PTPN3: variants seen among roughly 807,000 people sequenced by gnomAD.
The protein encoded by PTPN3 is tyrosine-protein phosphatase non-receptor type 3.
In PTPN3, 96 loss-of-function variants were observed where a neutral mutation model predicts 132.7. That is an observed-to-expected ratio of 0.72 (90% CI 0.61 to 0.86). The LOEUF is 0.86. Ranked by LOEUF, PTPN3 falls within the 40% of genes least tolerant of loss-of-function variation. PTPN3 has a pLI of 0.00. For missense variants in PTPN3, 1,125 were observed against 1,159.6 expected (o/e 0.97, Z 0.43); for synonymous variants, 398 against 429.0 (o/e 0.93, Z 0.89).
chr9:109,427,182 C>A, intron 11 of PTPN3, 60 bp from the exon 12 acceptor site: 2 of 1,551,962 alleles, frequency 1.3e-6, no homozygotes, highest in Non-Finnish European at 1.8e-6. Flanking sequence ...GACTTGTAAG[C>A]ATTTAACCCA....
At chr9:109,439,391 C>G (rs1844291650) in intron 7 of PTPN3, among the ~76,000 whole-genome samples, 1 of 152,158 alleles carries the variant, frequency 6.6e-6, no homozygotes, top group African/African-American at 2.4e-5. Context: ...AAAAATTAGT[C>G]CTGATCTTTC....
At chr9:109,477,836 C>A (rs1197685391) in intron 1 of PTPN3, among the ~76,000 whole-genome samples, 2 of 152,256 alleles carry the variant, frequency 1.3e-5, no homozygotes, top group Non-Finnish European at 2.9e-5. Context: ...GATCTCGGAA[C>A]TGCCAGGACT....
intron 11 of PTPN3, among the ~76,000 whole-genome samples, chr9:109,427,406 T>C (rs1843357622): frequency 6.6e-6 from 1 of 152,218 alleles, no homozygotes; most frequent in East Asian, 1.9e-4. Flanking sequence ...CTAGGCTGGA[T>C]ACATTTGGAG....
the PTPN3 span, among the ~76,000 whole-genome samples, chr9:109,523,411 G>A: frequency 1.3e-5 from 2 of 152,184 alleles, no homozygotes; most frequent in African/African-American, 4.8e-5. Flanking sequence ...ACTGTGCCCA[G>A]CCTATATCAT....
intron 6 of PTPN3, among the ~76,000 whole-genome samples, chr9:109,446,984 A>G (rs752423222): frequency 5.3e-5 from 8 of 152,162 alleles, no homozygotes; most frequent in African/African-American, 1.7e-4. Flanking sequence ...AGTGCTCCAT[A>G]TGTTCCACTG....
chr9:109,416,144 TAAGG>T (rs898861716), intron 14 of PTPN3, among the ~76,000 whole-genome samples: 2 of 152,124 alleles, frequency 1.3e-5, no homozygotes, highest in African/African-American at 4.8e-5. Flanking sequence ...TTGTCTATCT[TAAGG>T]AACAGTAACC....
the PTPN3 span, among the ~76,000 whole-genome samples, chr9:109,529,172 C>G: frequency 6.6e-6 from 1 of 152,326 alleles, no homozygotes; most frequent in African/African-American, 2.4e-5. Context: ...AGAGATGCTG[C>G]TCTCTGTCTC....
At chr9:109,423,154 C>T (rs1354706040) in intron 12 of PTPN3, among the ~76,000 whole-genome samples, 6 of 152,210 alleles carry the variant, frequency 3.9e-5, no homozygotes, top group African/African-American at 7.2e-5. Context: ...CACAGAAATA[C>T]AGCTCCAGTG....
chr9:109,534,217 C>T, the PTPN3 span: 1 of 1,350,948 alleles, frequency 7.4e-7, no homozygotes, highest in Admixed American at 1.7e-5. Context: ...GCCTCCCGGG[C>T]CACCGTTTCC....
At chr9:109,441,208 T>C (rs1056474525) in intron 7 of PTPN3, among the ~76,000 whole-genome samples, 14 of 152,190 alleles carry the variant, frequency 9.2e-5, no homozygotes. Flanking sequence ...AAGCTAATTA[T>C]AGCAAACAAA....
chr9:109,382,663 A>G (rs887089664), intron 23 of PTPN3, among the ~76,000 whole-genome samples: 6 of 150,882 alleles, frequency 4.0e-5, no homozygotes, highest in Middle Eastern at 3.2e-3. Context: ...GCCTTCCTTG[A>G]TCACTTCTGC....
rs574617056 is a variant in PTPN3 at position 109,448,964 on chromosome 9, C to T, written c.369-109G>A. 9.3e-6 allele frequency: 14 copies of T among 1,499,574 alleles called. No individual in the cohort carries two copies. The East Asian group carries it at 2.8e-4, about 30-fold the overall frequency. The allele number at this position is 1,499,574 out of a possible 1,614,324, so 92.9% of individuals were successfully genotyped here. A position where few individuals can be genotyped will look rare whatever the true frequency, so the allele number is the denominator to read the frequency against. ...ACAAGAGCTGTACATGTGAAAGATA[C>T]ATAAAAATACGGTTTTGGTCCAAGG... On this transcript the variant is annotated intron_variant, in intron 5 of 25. Transcript: ENST00000374541.
At chr9:109,489,499 A>G (rs182169439) in intron 1 of PTPN3, among the ~76,000 whole-genome samples, 122 of 152,202 alleles carry the variant, frequency 8.0e-4, no homozygotes, top group African/African-American at 2.8e-3. Context: ...ACGTGACCAC[A>G]CGTCCGGATT....
At chr9:109,536,949 A>T in the PTPN3 span, among the ~76,000 whole-genome samples, 1 of 151,962 alleles carries the variant, frequency 6.6e-6, no homozygotes, top group Non-Finnish European at 1.5e-5. Context: ...CCACCCCCCA[A>T]TATGAAGTCG....
chr9:109,522,651 T>G, the PTPN3 span, among the ~76,000 whole-genome samples: 5 of 152,280 alleles, frequency 3.3e-5, no homozygotes, highest in East Asian at 5.8e-4. Context: ...CACTACAACA[T>G]GTAATAACAA....
chr9:109,483,051 G>T (rs1206486618), intron 1 of PTPN3, among the ~76,000 whole-genome samples: 1 of 152,194 alleles, frequency 6.6e-6, no homozygotes, highest in Non-Finnish European at 1.5e-5. Flanking sequence ...ATAAATCTGG[G>T]CACCTGTCCT....
At chr9:109,460,151 A>C (rs947501714) in intron 2 of PTPN3, among the ~76,000 whole-genome samples, 4 of 152,114 alleles carry the variant, frequency 2.6e-5, no homozygotes, top group Non-Finnish European at 5.9e-5. Flanking sequence ...AGTCTTCCCC[A>C]TCTCAATAAA....
At chr9:109,534,331 A>G in the PTPN3 span, 15 of 1,517,914 alleles carry the variant, frequency 9.9e-6, no homozygotes, top group Middle Eastern at 2.3e-4. Flanking sequence ...CTCGCTGCTC[A>G]AGGTTGTGGT....
At position 109,408,794 on chromosome 9, in the gene PTPN3, A is replaced by ATATATAT. The variant is rs373957307; in HGVS notation, c.1579-418_1579-417insATATATA. ...ACTTATAATAATTAAAAAAAAAAAA[A>ATATATAT]AAATATATATATATATATATATATG... On this transcript the variant is annotated intron_variant, in intron 16 of 25. Transcript: ENST00000374541. Among the ~76,000 whole-genome samples, 266 of 87,350 alleles carry ATATATAT rather than the reference A, an allele frequency of 3.0e-3. 1 individual carries two copies. The highest frequency in any genetic ancestry group is 4.7e-3 in the South Asian group (14 of 2,970). 57.3% of individuals were successfully genotyped at this position (87,350 alleles called of 152,430 possible).
Sources: gnomAD v4.1 joint callset for allele counts (sites outside exome capture counted in the v4.1 genomes callset) on GRCh38, gnomAD v4.1.1 for gene constraint, MANE v1.5 for transcripts, NCBI Gene and HGNC (gene_info 2026-07-23, HGNC 2026-07-21) for gene names.